Variants in IL16 observed in about 807,000 individuals in gnomAD.
IL16 encodes pro-interleukin-16.
IL16 carries 67 observed loss-of-function variants against 110.1 expected under a neutral mutation model. That is an observed-to-expected ratio of 0.61 (90% CI 0.50 to 0.75). The LOEUF is 0.75. IL16 is among the 30% of genes least tolerant of loss of function. IL16 has a pLI of 0.00. For missense variants in IL16, 1,545 were observed against 1,655.0 expected, an observed-to-expected ratio of 0.93 and a Z score of 1.15; for synonymous variants, 689 against 662.9, an observed-to-expected ratio of 1.04 and a Z score of -0.61.
intron 10 of IL16, among the ~76,000 whole-genome samples, 161 bp from the exon 11 acceptor site, chr15:81,290,292 C>T (rs956224144): frequency 1.3e-5 from 2 of 152,244 alleles, no homozygotes; most frequent in Non-Finnish European, 2.9e-5. Flanking sequence ...ACCATTGATT[C>T]CCGGGGTATT....
At chr15:81,261,709 C>A (rs1016052887) in intron 3 of IL16, among the ~76,000 whole-genome samples, 1 of 152,044 alleles carries the variant, frequency 6.6e-6, no homozygotes, top group Non-Finnish European at 1.5e-5. Flanking sequence ...CTCAGAATCC[C>A]AACTGAGTGT....
intron 5 of IL16, among the ~76,000 whole-genome samples, chr15:81,271,617 C>T (rs1898646751): frequency 6.6e-6 from 1 of 152,180 alleles, no homozygotes. Flanking sequence ...GGGCCTTGTT[C>T]TTAACCATGA....
At chr15:81,214,453 A>G (rs764445148) in intron 1 of IL16, among the ~76,000 whole-genome samples, 2 of 152,158 alleles carry the variant, frequency 1.3e-5, no homozygotes, top group Non-Finnish European at 2.9e-5. Context: ...TAGGCCCCCA[A>G]TCTCTTCTGA....
chr15:81,309,675 T>C lies in IL16; in HGVS notation c.*877T>C, dbSNP rs895910292. ...GTGGTGGAGCCAGTAAACAGAGGAG[T>C]ACAGGTGAAGCACCAAGCTCAAAGC... On this transcript the variant is annotated 3_prime_UTR_variant, in exon 19 of 19. Transcript: ENST00000683961. The C allele has an allele frequency of 6.6e-6, 1 of 151,946 alleles. No homozygotes were observed. The highest frequency in any genetic ancestry group is 2.4e-5 in the African/African-American group (1 of 41,324). 9.4% of individuals were successfully genotyped at this position (151,946 alleles called of 1,614,324 possible). A position where few individuals can be genotyped will look rare whatever the true frequency, so the allele number is the denominator to read the frequency against.
chr15:81,301,378 A>T lies in IL16; in HGVS notation c.3184A>T (p.Thr1062Ser). Residue 1062 changes from threonine to serine, a missense_variant, in exon 15 of 19, where the codon ACG (threonine) becomes TCG (serine). Around this residue, in one of 3 missense-constraint regions of IL16, gnomAD observed 356 missense variants for 399.3 expected, o/e 0.89. Transcript: ENST00000683961. Reference sequence around the variant, plus strand: ...GCTGAGAGAATATACAGAGGGTCTCACGGAAGCCAAGGAAGACGATGATGG... The same window carrying T: ...GCTGAGAGAATATACAGAGGGTCTCTCGGAAGCCAAGGAAGACGATGATGG... Reference protein sequence around the residue: ...SELREYTEGLTEAKEDDDGDH... With the variant: ...SELREYTEGLSEAKEDDDGDH... The T allele has an allele frequency of 1.9e-6, 3 of 1,613,680 alleles. No homozygotes were observed. The highest frequency in any genetic ancestry group is 2.5e-6 in the Non-Finnish European group (3 of 1,179,870).
At chr15:81,293,242 G>A (rs555704562) in intron 12 of IL16, among the ~76,000 whole-genome samples, 3 of 152,336 alleles carry the variant, frequency 2.0e-5, no homozygotes, top group African/African-American at 4.8e-5. Context: ...TCCCAGTCCT[G>A]CTTGCTGGCA....
At chr15:81,236,207 G>T (rs549167050) in intron 2 of IL16, among the ~76,000 whole-genome samples, 2 of 152,234 alleles carry the variant, frequency 1.3e-5, no homozygotes, top group Non-Finnish European at 2.9e-5. Flanking sequence ...CCTTCCTTCA[G>T]CAGACAAAAT....
intron 1 of IL16, among the ~76,000 whole-genome samples, chr15:81,210,647 G>A (rs922638762): frequency 1.3e-5 from 2 of 152,106 alleles, no homozygotes; most frequent in Non-Finnish European, 2.9e-5. Context: ...ACTCAGCCTG[G>A]ACATTATTGG....
intron 2 of IL16, among the ~76,000 whole-genome samples, chr15:81,247,978 A>G (rs1176711571): frequency 6.6e-6 from 1 of 152,234 alleles, no homozygotes; most frequent in African/African-American, 2.4e-5. Flanking sequence ...GTATATAGCT[A>G]TTAACCTTAC....
chr15:81,283,629 A>G (rs1324764546), intron 9 of IL16, among the ~76,000 whole-genome samples: 1 of 152,242 alleles, frequency 6.6e-6, no homozygotes, highest in Non-Finnish European at 1.5e-5. Flanking sequence ...AGATTTAACT[A>G]ATATTGAATT....
In IL16 at chr15:81,259,031, A is replaced by G. The variant is rs1019214711; in HGVS notation, c.313-741A>G. 4.6e-5 allele frequency among the ~76,000 whole-genome samples: 7 copies of G among 152,268 alleles called. No homozygotes were observed. In the East Asian group the frequency reaches 9.7e-4, roughly 21 times the overall value. ...GAGGAGAGATATATAATAAATTAAC[A>G]TATATATATTTGATTGATACAGCAA... On this transcript the variant is annotated intron_variant, in intron 2 of 18. Coordinates refer to ENST00000683961, the MANE Select transcript of IL16 (RefSeq NM_172217.5).
chr15:81,251,614 A>G (rs1419085744), intron 2 of IL16, among the ~76,000 whole-genome samples: 1 of 152,222 alleles, frequency 6.6e-6, no homozygotes, highest in Non-Finnish European at 1.5e-5. Flanking sequence ...ATAAATTTCT[A>G]GAATATAAAA....
In IL16 at chr15:81,301,452, C is replaced by G. The variant is rs768181433; in HGVS notation, c.3258C>G (p.Ser1086Arg). 12 of 1,614,074 alleles carry G rather than the reference C, an allele frequency of 7.4e-6. No homozygotes were observed. The highest frequency in any genetic ancestry group is 9.3e-6 in the Non-Finnish European group (11 of 1,179,998). ...QSGQSVISLL[S>R]SEELKKLIEE... ...GTCAGTCCGTTATCTCCCTGCTGAG[C>G]TCAGAAGAATTAAAAAAACTCATCG... is the stretch of plus-strand genomic sequence containing the variant. The change falls in exon 15 of 19, where the codon AGC (serine) becomes AGG (arginine). Residue 1086 changes from serine to arginine, a missense_variant. Transcript: ENST00000683961.
intron 5 of IL16, among the ~76,000 whole-genome samples, chr15:81,271,676 C>T (rs1041694760): frequency 1.3e-5 from 2 of 152,124 alleles, no homozygotes; most frequent in African/African-American, 2.4e-5. Flanking sequence ...CTAGAGCAGC[C>T]GTCTCAGCCA....
chr15:81,194,348 C>T (rs933518337), upstream of IL16, among the ~76,000 whole-genome samples: 3 of 152,024 alleles, frequency 2.0e-5, no homozygotes, highest in Admixed American at 6.6e-5. Flanking sequence ...TTTTTGCCTT[C>T]TGAATATGTT....
rs750059971 is a variant in IL16, at chr15:81,306,113, C to G, written c.3626C>G (p.Ser1209Cys). 5.0e-6 allele frequency: 8 copies of G among 1,614,072 alleles called. No homozygotes were observed. In the Admixed American group the frequency reaches 6.7e-5, roughly 13 times the overall value. ...GAGGCCATGCCCGACCTCAACTCCT[C>G]CACTGACTCTGCAGCCTCAGCCTCT... is the stretch of plus-strand genomic sequence containing the variant. ...TPEAMPDLNS[S>C]TDSAASASAA... The change falls in exon 17 of 19, where the codon TCC (serine) becomes TGC (cysteine). Residue 1209 changes from serine (S) to cysteine (C), a missense_variant. Ser to Cys is a moderately radical substitution (Grantham distance 112). Transcript: ENST00000683961.
At chr15:81,200,237 A>G (rs536495207) in intron 1 of IL16, among the ~76,000 whole-genome samples, 3 of 151,840 alleles carry the variant, frequency 2.0e-5, no homozygotes, top group Middle Eastern at 3.4e-3. Flanking sequence ...TTAGTTATAT[A>G]TATTTATTTA....
chr15:81,265,577 G>A, intron 3 of IL16, 82 bp from the exon 4 acceptor site: 1 of 1,481,772 alleles, frequency 6.7e-7, no homozygotes, highest in Non-Finnish European at 9.3e-7. Flanking sequence ...CCTGGCTAAT[G>A]AGGGGCTGAT....
chr15:81,249,737 A>G (rs1897700420), intron 2 of IL16, among the ~76,000 whole-genome samples: 2 of 152,150 alleles, frequency 1.3e-5, no homozygotes, highest in Admixed American at 6.5e-5. Context: ...GGACTGAAAG[A>G]TTTTTAATAA....
Sources: gnomAD v4.1 joint callset for allele counts (sites outside exome capture counted in the v4.1 genomes callset) on GRCh38, gnomAD v4.1.1 for gene constraint, gnomAD v4.1.1 regional missense constraint, MANE v1.5 for transcripts, NCBI Gene and HGNC (gene_info 2026-07-23, HGNC 2026-07-21) for gene names.